Variants in COMMD10 observed in about 807,000 individuals in gnomAD.
COMMD10 encodes COMM domain containing 10, also known as COMM domain-containing protein 10.
A neutral mutation model predicts 28.9 loss-of-function variants in COMMD10; 33 were observed. The ratio of observed to expected loss-of-function variants is 1.14; its 90% CI spans 0.87 to 1.53. The LOEUF (loss-of-function observed/expected upper bound fraction) is 1.53, where lower values mean the gene tolerates loss of function less well. Among genes scored for constraint, COMMD10 ranks in the 40% most tolerant of loss-of-function variants. COMMD10 has a pLI of 0.00. For missense variants in COMMD10, 310 were observed against 233.4 expected (o/e 1.33, Z -2.14); for synonymous variants, 110 against 81.7 (o/e 1.35, Z -1.87).
In COMMD10 at chr5:116,182,937, G is replaced by A. The variant is rs536039832; in HGVS notation, c.510+48759G>A. On this transcript the variant is annotated intron_variant, in intron 5 of 6. Coordinates refer to ENST00000274458, the MANE Select transcript of COMMD10 (RefSeq NM_016144.4). The stretch of plus-strand genomic sequence containing the variant: ...TTTTTAAGCATGTGGCATTTCCCCT[G>A]CTTGCACTCACTCCATCCTGCCACC... Among the ~76,000 whole-genome samples, 5 of 152,168 alleles carry A rather than the reference G, an allele frequency of 3.3e-5. No homozygotes were observed. In the East Asian group the frequency reaches 5.8e-4, roughly 18 times the overall value.
chr5:116,147,411 C>G (rs969959406), intron 5 of COMMD10, among the ~76,000 whole-genome samples: 1 of 151,858 alleles, frequency 6.6e-6, no homozygotes, highest in Non-Finnish European at 1.5e-5. Flanking sequence ...TTTACAAACT[C>G]ATTTTAACTT....
chr5:116,291,638 T>C, intron 6 of COMMD10, 62 bp downstream of exon 6: 1 of 933,860 alleles, frequency 1.1e-6, no homozygotes, highest in Non-Finnish European at 1.6e-6. Context: ...TTTGTTTCAT[T>C]TTATGAATTC....
chr5:116,120,356 T>G (rs762136775), intron 4 of COMMD10, among the ~76,000 whole-genome samples: 2 of 151,946 alleles, frequency 1.3e-5, no homozygotes, highest in African/African-American at 4.8e-5. Flanking sequence ...TGGGGCAAGG[T>G]TGGGAGGAAG....
chr5:116,107,783 C>G (rs944572227), intron 4 of COMMD10, among the ~76,000 whole-genome samples: 2 of 152,094 alleles, frequency 1.3e-5, no homozygotes, highest in African/African-American at 4.8e-5. Context: ...GAATTTTCAG[C>G]CTTTTTGTGC....
intron 4 of COMMD10, among the ~76,000 whole-genome samples, chr5:116,121,206 C>T (rs1231536014): frequency 2.0e-5 from 3 of 151,748 alleles, no homozygotes; most frequent in Non-Finnish European, 4.4e-5. Context: ...TGTTCAGTTC[C>T]CACCTATGAG....
At chr5:116,288,072 C>A (rs920596446) in intron 5 of COMMD10, among the ~76,000 whole-genome samples, 2 of 151,696 alleles carry the variant, frequency 1.3e-5, no homozygotes, top group East Asian at 1.9e-4. Context: ...GCTGTCCTTT[C>A]ATTTCAACTT....
chr5:116,182,829 G>A (rs969301488), intron 5 of COMMD10, among the ~76,000 whole-genome samples: 1 of 152,040 alleles, frequency 6.6e-6, no homozygotes, highest in African/African-American at 2.4e-5. Context: ...CTCAAGGGCA[G>A]GACCAAGTAG....
chr5:116,262,330 A>G (rs1487542842), intron 5 of COMMD10, among the ~76,000 whole-genome samples: 4 of 151,740 alleles, frequency 2.6e-5, no homozygotes, highest in Non-Finnish European at 4.4e-5. Flanking sequence ...CATGTTGTGA[A>G]CCAATTTCTT....
chr5:116,256,003 G>A (rs905148157), intron 5 of COMMD10, among the ~76,000 whole-genome samples: 1 of 151,424 alleles, frequency 6.6e-6, no homozygotes, highest in Non-Finnish European at 1.5e-5. Flanking sequence ...TATGCATATT[G>A]AGCTATTTTC....
intron 4 of COMMD10, among the ~76,000 whole-genome samples, chr5:116,111,457 G>A (rs1228493554): frequency 6.6e-6 from 1 of 152,000 alleles, no homozygotes; most frequent in African/African-American, 2.4e-5. Flanking sequence ...ACAGGTTTTT[G>A]TATGTTGTAT....
chr5:116,102,142 G>A (rs1470581548), intron 4 of COMMD10, among the ~76,000 whole-genome samples: 2 of 152,068 alleles, frequency 1.3e-5, no homozygotes, highest in Non-Finnish European at 2.9e-5. Context: ...CTTAGAACAA[G>A]GTCCAAAAGA....
intron 5 of COMMD10, among the ~76,000 whole-genome samples, chr5:116,135,867 G>A (rs970110217): frequency 6.6e-6 from 1 of 152,144 alleles, no homozygotes; most frequent in Non-Finnish European, 1.5e-5. Flanking sequence ...GCAGTTTAGT[G>A]TAGTGTAACC....
intron 5 of COMMD10, among the ~76,000 whole-genome samples, chr5:116,283,730 C>T (rs1190971413): frequency 6.6e-6 from 1 of 151,712 alleles, no homozygotes; most frequent in Non-Finnish European, 1.5e-5. Context: ...TGCATAATGG[C>T]AGTATCCATT....
intron 3 of COMMD10, 32 bp downstream of exon 3, chr5:116,091,221 G>C: frequency 8.1e-7 from 1 of 1,229,718 alleles, no homozygotes; most frequent in Non-Finnish European, 1.2e-6. Flanking sequence ...TTCTAGCCAT[G>C]ATTTGTTTAC....
At chr5:116,286,133 A>T (rs1043605156) in intron 5 of COMMD10, among the ~76,000 whole-genome samples, 2 of 151,768 alleles carry the variant, frequency 1.3e-5, no homozygotes, top group Admixed American at 6.6e-5. Flanking sequence ...TAGGTTATTC[A>T]ACTTGTTAGC....
At chr5:116,278,959 T>C (rs1363006297) in intron 5 of COMMD10, among the ~76,000 whole-genome samples, 2 of 152,032 alleles carry the variant, frequency 1.3e-5, no homozygotes, top group Admixed American at 1.3e-4. Context: ...AATCCACTTA[T>C]TCTGATATTT....
At chr5:116,270,240 T>C (rs1223496312) in intron 5 of COMMD10, among the ~76,000 whole-genome samples, 1 of 151,978 alleles carries the variant, frequency 6.6e-6, no homozygotes, top group Non-Finnish European at 1.5e-5. Flanking sequence ...AAAAAAAGTT[T>C]ATACATTGTT....
At chr5:116,210,766 T>C (rs1021929807) in intron 5 of COMMD10, among the ~76,000 whole-genome samples, 2 of 152,134 alleles carry the variant, frequency 1.3e-5, no homozygotes, top group African/African-American at 4.8e-5. Flanking sequence ...CTATACGATC[T>C]TGTCCAAGTG....
At chr5:116,292,421 G>A (rs201143942) in intron 6 of COMMD10, 30 bp from the exon 7 acceptor site, 55 of 1,377,968 alleles carry the variant, frequency 4.0e-5, no homozygotes, top group Middle Eastern at 3.8e-4. Context: ...CTTCACTAAC[G>A]TCTTTTTTTT....
Sources: allele counts gnomAD v4.1 joint callset (sites outside exome capture counted in the v4.1 genomes callset), GRCh38; gene constraint gnomAD v4.1.1; transcripts MANE v1.5; gene names NCBI Gene and HGNC (gene_info 2026-07-23, HGNC 2026-07-21).